CHODL: variants seen among roughly 807,000 people sequenced by gnomAD.
The protein encoded by CHODL is chondrolectin, also known as transmembrane protein MT75.
A neutral mutation model predicts 34.5 loss-of-function variants in CHODL; 29 were observed. That is an observed-to-expected ratio of 0.84 (90% CI 0.63 to 1.15). CHODL has a LOEUF of 1.15. CHODL is among the 50% of genes most tolerant of loss of function. The pLI is 0.00. For missense variants in CHODL, 332 were observed against 332.5 expected, an observed-to-expected ratio of 1.00 and a Z score of 0.01; for synonymous variants, 125 against 116.1, an observed-to-expected ratio of 1.08 and a Z score of -0.49.
At chr21:18,226,770 A>T (rs1366126617) in intron 2 of CHODL, among the ~76,000 whole-genome samples, 1 of 152,114 alleles carries the variant, frequency 6.6e-6, no homozygotes. Context: ...ATATGGATTA[A>T]TATATTTAAA....
chr21:18,098,918 T>G (rs2065175204), intron 2 of CHODL, among the ~76,000 whole-genome samples: 1 of 127,416 alleles, frequency 7.8e-6, no homozygotes, highest in Non-Finnish European at 1.9e-5. Context: ...TATTCTGTTA[T>G]TTGCAACAAC....
intron 2 of CHODL, among the ~76,000 whole-genome samples, chr21:18,082,795 GGC>G (rs1455571410): frequency 6.6e-6 from 1 of 152,098 alleles, no homozygotes; most frequent in South Asian, 2.1e-4. Flanking sequence ...GATGTGGCCT[GGC>G]TGCTCCTAAC....
intron 2 of CHODL, among the ~76,000 whole-genome samples, chr21:18,211,334 T>C (rs887881448): frequency 6.6e-6 from 1 of 152,132 alleles, no homozygotes; most frequent in African/African-American, 2.4e-5. Context: ...TGTTCAGATC[T>C]GTACCTGTAT....
chr21:17,938,626 C>A (rs2063338226), intron 1 of CHODL, among the ~76,000 whole-genome samples: 1 of 151,548 alleles, frequency 6.6e-6, no homozygotes, highest in African/African-American at 2.4e-5. Context: ...CTACAGGCGC[C>A]CGCCACCGCG....
intron 2 of CHODL, among the ~76,000 whole-genome samples, chr21:18,113,097 A>C (rs2065371034): frequency 6.6e-6 from 1 of 152,202 alleles, no homozygotes; most frequent in Non-Finnish European, 1.5e-5. Flanking sequence ...CTGATCAACC[A>C]ATGGGCAAAA....
chr21:18,193,757 T>TA lies in CHODL; in HGVS notation c.-44-62744dup, dbSNP rs937290024. 1.1e-4 allele frequency among the ~76,000 whole-genome samples: 17 copies of TA among 148,994 alleles called. No homozygotes were observed. In the South Asian group the frequency reaches 2.8e-3, roughly 24 times the overall value. ...TAAATAAATAAATAAAAAATAAACT[T>TA]AAAAAAAAGTCCTTTGTTTATCCTC... On this transcript the variant is annotated intron_variant, in intron 2 of 6. Coordinates refer to the CHODL transcript ENST00000400127.
At chr21:18,102,554 G>A (rs1319027292) in intron 2 of CHODL, among the ~76,000 whole-genome samples, 1 of 152,050 alleles carries the variant, frequency 6.6e-6, no homozygotes, top group Admixed American at 6.6e-5. Flanking sequence ...TTATTTTTGA[G>A]GAAGTTTTAA....
At chr21:18,240,436 G>A (rs1372728034), upstream of CHODL, among the ~76,000 whole-genome samples, 1 of 152,052 alleles carries the variant, frequency 6.6e-6, no homozygotes, top group Non-Finnish European at 1.5e-5. Context: ...ACCAAGATCA[G>A]ATTAATGAAA....
intron 2 of CHODL, among the ~76,000 whole-genome samples, chr21:18,101,449 C>T (rs1180963514): frequency 6.6e-6 from 1 of 152,064 alleles, no homozygotes; most frequent in African/African-American, 2.4e-5. Context: ...TTAATTTCTA[C>T]CTTGTTTCTA....
At position 18,052,879 on chromosome 21, in the gene CHODL, G is replaced by C. The variant is rs157737; in HGVS notation, c.-45+24908G>C. On this transcript the variant is annotated intron_variant, in intron 2 of 6. Transcript: ENST00000400127. Reference sequence around the variant, plus strand: ...TAACTATTCTGGCTGACATGTTTAAGCGAAGGGGTAAATGTTTTAGATCCC... The same window carrying C: ...TAACTATTCTGGCTGACATGTTTAACCGAAGGGGTAAATGTTTTAGATCCC... Among the ~76,000 whole-genome samples the C allele has an allele frequency of 4.1e-3, 575 of 141,312 alleles. 1 individual carries two copies. The highest frequency in any genetic ancestry group is 0.016 in the African/African-American group (510 of 31,446). 92.7% of individuals were successfully genotyped at this position (141,312 alleles called of 152,430 possible). A position where few individuals can be genotyped will look rare whatever the true frequency, so the allele number is the denominator to read the frequency against.
chr21:18,266,032 A>C lies in CHODL; in HGVS notation c.816A>C (p.Glu272Asp), dbSNP rs773541082. ...SKSTRKESGM[E>D]V The stretch of plus-strand genomic sequence containing the variant: ...GTACCAGAAAAGAAAGTGGCATGGA[A>C]GTATAATAACTCATTGACTTGGTTC... The change falls in exon 6 of 6, where the codon GAA becomes GAC. Residue 272 changes from glutamate (E) to aspartate (D), a missense_variant. Coordinates refer to ENST00000299295, the MANE Select transcript of CHODL (RefSeq NM_024944.3). 1 of 1,613,624 alleles carries C rather than the reference A, an allele frequency of 6.2e-7. No homozygotes were observed. The highest frequency in any genetic ancestry group is 8.5e-7 in the Non-Finnish European group (1 of 1,179,622).
rs138727288 is a variant in CHODL, at chr21:17,945,830, T to A, written c.-145+28430T>A. ...CAAACTATCAAAAATTAAAGACTAA[T>A]AACAAATTCTAAAAGCAGCAAGAGA... is the stretch of plus-strand genomic sequence containing the variant. On this transcript the variant is annotated intron_variant, in intron 1 of 6. Transcript: ENST00000400127. Among the ~76,000 whole-genome samples the A allele has an allele frequency of 3.9e-3, 595 of 152,088 alleles. 5 individuals are homozygous for A. The highest frequency in any genetic ancestry group is 0.014 in the African/African-American group (565 of 41,482).
chr21:18,024,194 A>T lies in CHODL; in HGVS notation c.-144-3678A>T, dbSNP rs192174320. Among the ~76,000 whole-genome samples, 7 of 152,330 alleles carry T rather than the reference A, an allele frequency of 4.6e-5. No homozygotes were observed. The East Asian group carries it at 1.4e-3, about 29-fold the overall frequency. ...AACTTAGTTGCTAACGAGGAGATTC[A>T]AAACCTAAATGTTTAGAATATATTT... On this transcript the variant is annotated intron_variant, in intron 1 of 6. Transcript: ENST00000400127.
chr21:18,041,960 T>C (rs1375759087), intron 2 of CHODL, among the ~76,000 whole-genome samples: 1 of 151,904 alleles, frequency 6.6e-6, no homozygotes, highest in Non-Finnish European at 1.5e-5. Flanking sequence ...GGAAGCTGAA[T>C]ATATTTTTTT....
intron 1 of CHODL, among the ~76,000 whole-genome samples, chr21:17,978,831 T>C (rs1439237298): frequency 6.6e-6 from 1 of 152,154 alleles, no homozygotes; most frequent in Non-Finnish European, 1.5e-5. Context: ...ATTCATATTG[T>C]TGACAGAATT....
rs1003512511 is a variant in CHODL at position 17,947,532 on chromosome 21, A to AACACAC, written c.-145+30138_-145+30143dup. ...CTACAAGAAATTCAACCTAATAAGA[A>AACACAC]ACACACACACAGACACACACACACA... On this transcript the variant is annotated intron_variant, in intron 1 of 6. Transcript: ENST00000400127. Among the ~76,000 whole-genome samples the AACACAC allele has an allele frequency of 2.2e-3, 239 of 106,842 alleles. 2 individuals carry two copies. Among genetic ancestry groups the AACACAC allele is most frequent in the African/African-American group, 7.7e-3 (227 of 29,352 alleles). The allele number at this position is 106,842 out of a possible 152,430, so 70.1% of individuals were successfully genotyped here. A position where few individuals can be genotyped will look rare whatever the true frequency, so the allele number is the denominator to read the frequency against.
At chr21:18,256,231 T>A (rs1384400962) in intron 1 of CHODL, among the ~76,000 whole-genome samples, 1 of 151,978 alleles carries the variant, frequency 6.6e-6, no homozygotes, top group Non-Finnish European at 1.5e-5. Context: ...TGTTAATTGG[T>A]TTATAAAATC....
At chr21:18,225,486 G>A (rs2073922942) in intron 2 of CHODL, among the ~76,000 whole-genome samples, 1 of 152,004 alleles carries the variant, frequency 6.6e-6, no homozygotes, top group Admixed American at 6.6e-5. Flanking sequence ...AACTAATTTG[G>A]AGACATATCC....
In CHODL at chr21:17,964,455, T is replaced by C. The variant is rs146591300; in HGVS notation, c.-145+47055T>C. ...AAATAATAGAGAAGCCAATTTAATTTGGCAGAGGCTTCAGTGGATGTTACT... is the reference window on the plus strand; with the variant it reads ...AAATAATAGAGAAGCCAATTTAATTCGGCAGAGGCTTCAGTGGATGTTACT... On this transcript the variant is annotated intron_variant, in intron 1 of 6. Coordinates refer to the CHODL transcript ENST00000400127. Among the ~76,000 whole-genome samples the C allele has an allele frequency of 3.5e-3, 529 of 152,378 alleles. 3 individuals carry two copies. The highest frequency in any genetic ancestry group is 0.012 in the African/African-American group (481 of 41,594).
Sources: gnomAD v4.1 joint callset for allele counts (sites outside exome capture counted in the v4.1 genomes callset) on GRCh38, gnomAD v4.1.1 for gene constraint, MANE v1.5 for transcripts, NCBI Gene and HGNC (gene_info 2026-07-23, HGNC 2026-07-21) for gene names.